EIPR1: variants seen among roughly 807,000 people sequenced by gnomAD.
EIPR1 encodes the protein EARP and GARP complex-interacting protein 1.
EIPR1 carries 25 observed loss-of-function variants against 48.1 expected under a neutral mutation model. That is an observed-to-expected ratio of 0.52 (90% CI 0.38 to 0.73). The LOEUF is 0.73. Among genes scored for constraint, EIPR1 ranks in the 30% least tolerant of loss-of-function variants. EIPR1 has a pLI of 0.00. For missense variants in EIPR1, 415 were observed against 506.2 expected, an observed-to-expected ratio of 0.82 and a Z score of 1.73; for synonymous variants, 204 against 201.9, an observed-to-expected ratio of 1.01 and a Z score of -0.09.
At chr2:3,230,177 G>A (rs190815691) in intron 4 of EIPR1, among the ~76,000 whole-genome samples, 70 of 151,848 alleles carry the variant, frequency 4.6e-4, no homozygotes, top group African/African-American at 1.5e-3. Flanking sequence ...AAATGGAACT[G>A]TTTTCCTAAT....
intron 3 of EIPR1, among the ~76,000 whole-genome samples, chr2:3,324,037 C>G (rs891163943): frequency 6.6e-6 from 1 of 152,200 alleles, no homozygotes; most frequent in South Asian, 2.1e-4. Context: ...GACAGAACAA[C>G]GATTTAAGAA....
At chr2:3,306,833 G>C (rs939105872) in intron 3 of EIPR1, among the ~76,000 whole-genome samples, 8 of 152,172 alleles carry the variant, frequency 5.3e-5, no homozygotes, top group African/African-American at 9.6e-5. Context: ...GACCCCCCCA[G>C]TCCAAACCCA....
At chr2:3,364,379 C>T (rs966788335) in intron 1 of EIPR1, among the ~76,000 whole-genome samples, 15 of 152,224 alleles carry the variant, frequency 9.9e-5, no homozygotes, top group African/African-American at 3.6e-4. Context: ...CCTATAATCC[C>T]CGCACTTTGG....
At chr2:3,247,029 GAGGGAGGGAGA>G (rs1455306240) in intron 4 of EIPR1, among the ~76,000 whole-genome samples, 2 of 12,792 alleles carry the variant, frequency 1.6e-4, no homozygotes, top group African/African-American at 1.1e-3. Context: ...GGGAGAGAGC[GAGGGAGGGAGA>G]GAGGGAGGGA....
chr2:3,343,935 C>T (rs1325392481), intron 2 of EIPR1, among the ~76,000 whole-genome samples: 3 of 152,224 alleles, frequency 2.0e-5, no homozygotes, highest in Non-Finnish European at 4.4e-5. Flanking sequence ...GGCACGGTGG[C>T]TCACACTTGT....
At chr2:3,206,273 G>A (rs923870263) in intron 5 of EIPR1, among the ~76,000 whole-genome samples, 1 of 152,210 alleles carries the variant, frequency 6.6e-6, no homozygotes, top group African/African-American at 2.4e-5. Context: ...AGAAAGGGTG[G>A]AGGTTGTCCT....
intron 3 of EIPR1, among the ~76,000 whole-genome samples, chr2:3,288,646 G>C: frequency 6.6e-6 from 1 of 152,184 alleles, no homozygotes; most frequent in Non-Finnish European, 1.5e-5. Flanking sequence ...GGCATCAGAG[G>C]GTGGCAGCTG....
intron 1 of EIPR1, among the ~76,000 whole-genome samples, chr2:3,366,910 A>G (rs62119528): frequency 0.16 from 24,543 of 152,010 alleles, 2,210 homozygotes; most frequent in Non-Finnish European, 0.2. Flanking sequence ...AAAATTAGCC[A>G]GGTGTGGTGG....
intron 5 of EIPR1, chr2:3,208,361 G>C (rs1665306101): frequency 1.7e-6 from 2 of 1,174,428 alleles, no homozygotes; most frequent in East Asian, 5.2e-5. Context: ...GCCCGGGTGG[G>C]ACTCATTTAT....
At chr2:3,329,325 G>C (rs1669813663) in intron 3 of EIPR1, among the ~76,000 whole-genome samples, 1 of 151,734 alleles carries the variant, frequency 6.6e-6, no homozygotes, top group African/African-American at 2.4e-5. Flanking sequence ...CTGAATCAGA[G>C]CCCACCCACC....
chr2:3,231,167 G>C (rs894870408), intron 4 of EIPR1, among the ~76,000 whole-genome samples: 2 of 152,172 alleles, frequency 1.3e-5, no homozygotes, highest in African/African-American at 4.8e-5. Context: ...TCAGTATACA[G>C]AAATGCAACT....
intron 3 of EIPR1, among the ~76,000 whole-genome samples, chr2:3,296,795 CTG>C (rs1668615615): frequency 6.6e-6 from 1 of 152,244 alleles, no homozygotes; most frequent in African/African-American, 2.4e-5. Context: ...TGCACACACA[CTG>C]TCCATCCAGC....
intron 3 of EIPR1, among the ~76,000 whole-genome samples, chr2:3,308,957 C>T (rs951255227): frequency 4.6e-5 from 7 of 152,024 alleles, no homozygotes; most frequent in Non-Finnish European, 7.4e-5. Context: ...GGAAGTTTGC[C>T]ACAAGCAGAC....
At chr2:3,231,545 T>C (rs1299371172) in intron 4 of EIPR1, among the ~76,000 whole-genome samples, 4 of 152,236 alleles carry the variant, frequency 2.6e-5, no homozygotes, top group Non-Finnish European at 5.9e-5. Context: ...GTTTTTATCA[T>C]GAAAAGATGT....
chr2:3,321,470 C>T (rs4854152), intron 3 of EIPR1, among the ~76,000 whole-genome samples: 26,955 of 152,044 alleles, frequency 0.18, 2,547 homozygotes, highest in Non-Finnish European at 0.21. Context: ...CCACCTCTCA[C>T]GTACTCCATT....
intron 3 of EIPR1, among the ~76,000 whole-genome samples, chr2:3,311,605 T>C (rs1255284831): frequency 6.6e-6 from 1 of 152,222 alleles, no homozygotes; most frequent in Non-Finnish European, 1.5e-5. Flanking sequence ...ACATTCTCCC[T>C]ACTAACTCCT....
At chr2:3,310,993 G>A (rs1026473745) in intron 3 of EIPR1, among the ~76,000 whole-genome samples, 1 of 152,050 alleles carries the variant, frequency 6.6e-6, no homozygotes, top group African/African-American at 2.4e-5. Flanking sequence ...AAGACCCCGA[G>A]CAAACCAATG....
In EIPR1 at chr2:3,377,707, C is replaced by T. The variant is rs1295741892; in HGVS notation, c.-18G>A. On this transcript the variant is annotated 5_prime_UTR_variant, in exon 1 of 9. Coordinates refer to ENST00000382125, the MANE Select transcript of EIPR1 (RefSeq NM_003310.5). ...TCCTCCATGCTGCGGGGAAGCGACC[C>T]GACCCCGGCCACTCACACGCTAAGG... 3 of 1,572,696 alleles carry T rather than the reference C, an allele frequency of 1.9e-6. No individual in the cohort carries two copies. The highest frequency in any genetic ancestry group is 1.4e-5 in the African/African-American group (1 of 73,772).
intron 1 of EIPR1, among the ~76,000 whole-genome samples, chr2:3,354,880 A>T (rs886733332): frequency 1.3e-5 from 2 of 152,258 alleles, no homozygotes; most frequent in African/African-American, 2.4e-5. Flanking sequence ...AGTAATAAAG[A>T]TGTAAATTAT....
Sources: allele counts gnomAD v4.1 joint callset (sites outside exome capture counted in the v4.1 genomes callset), GRCh38; gene constraint gnomAD v4.1.1; transcripts MANE v1.5; gene names NCBI Gene and HGNC (gene_info 2026-07-23, HGNC 2026-07-21).